Variants in MALT1 observed in about 807,000 individuals in gnomAD.
MALT1 encodes mucosa-associated lymphoid tissue lymphoma translocation protein 1.
MALT1 carries 36 observed loss-of-function variants against 85.5 expected under a neutral mutation model. That is an observed-to-expected ratio of 0.42 (90% CI 0.32 to 0.56). The LOEUF is 0.56. Ranked by LOEUF, MALT1 falls within the 20% of genes least tolerant of loss-of-function variation. The pLI is 0.10. For synonymous variants in MALT1, 359 were observed against 361.3 expected, an observed-to-expected ratio of 0.99 and a Z score of 0.07; for missense variants, 716 against 981.6, an observed-to-expected ratio of 0.73 and a Z score of 3.62.
At chr18:58,699,344 A>G (rs2054638816) in intron 3 of MALT1, among the ~76,000 whole-genome samples, 1 of 152,204 alleles carries the variant, frequency 6.6e-6, no homozygotes, top group Non-Finnish European at 1.5e-5. Flanking sequence ...CACACTTAGG[A>G]CGATATAGTA....
chr18:58,745,910 A>G, intron 16 of MALT1, 119 bp downstream of exon 16: 1 of 898,504 alleles, frequency 1.1e-6, no homozygotes, highest in Non-Finnish European at 1.7e-6. Flanking sequence ...CAGTCTACAG[A>G]AGGTCCTATC....
chr18:58,727,597 C>T (rs905176600), intron 10 of MALT1, among the ~76,000 whole-genome samples: 1 of 140,320 alleles, frequency 7.1e-6, no homozygotes, highest in Admixed American at 6.9e-5. Context: ...CTGCACCCAG[C>T]CTGCCAAAGG....
intron 2 of MALT1, chr18:58,691,194 C>T (rs964206464): frequency 6.7e-6 from 2 of 300,100 alleles, no homozygotes; most frequent in African/African-American, 4.6e-5. Flanking sequence ...TACTGATCTT[C>T]AGGAATGCAA....
intron 7 of MALT1, among the ~76,000 whole-genome samples, chr18:58,712,269 G>T (rs550104739): frequency 2.3e-4 from 35 of 152,188 alleles, no homozygotes; most frequent in African/African-American, 3.6e-4. Flanking sequence ...AATTGCATAT[G>T]AACAGTGTCC....
At chr18:58,673,972 C>G (rs1012460261) in intron 1 of MALT1, 1 of 151,816 alleles carries the variant, frequency 6.6e-6, no homozygotes, top group Non-Finnish European at 1.5e-5. Context: ...TATTGTTATG[C>G]TAGGTACATA....
At position 58,747,732 on chromosome 18, in the gene MALT1, A is replaced by C; in HGVS notation, c.2365A>C (p.Ser789Arg). 1 of 1,614,164 alleles carries C rather than the reference A, an allele frequency of 6.2e-7. No individual in the cohort carries two copies. The highest frequency in any genetic ancestry group is 8.5e-7 in the Non-Finnish European group (1 of 1,180,006). The change falls in exon 17 of 17, where the codon AGT (serine) becomes CGT (arginine). Residue 789 changes from serine to arginine, a missense_variant. Transcript: ENST00000649217. ...CSRTPDAFIS[S>R]FAHHASCHFS... ...CCGGACTCCAGATGCATTTATTTCA[A>C]GTTTCGCTCACCATGCTTCATGTCA...
In MALT1 at chr18:58,710,841, T is replaced by C; in HGVS notation, c.926-80T>C. The stretch of plus-strand genomic sequence containing the variant: ...GTTTGCCAACATTATCTCTATGATA[T>C]TGATCTCTATTTGCTTGACGGCTGC... On this transcript the variant is annotated intron_variant, in intron 6 of 16. Coordinates refer to ENST00000649217, the MANE Select transcript of MALT1 (RefSeq NM_006785.4). 3.5e-6 allele frequency: 3 copies of C among 857,720 alleles called. No homozygotes were observed. The South Asian group carries it at 4.6e-5, about 13-fold the overall frequency. The allele number at this position is 857,720 out of a possible 1,614,324, so 53.1% of individuals were successfully genotyped here.
intron 16 of MALT1, 50 bp from the exon 17 acceptor site, chr18:58,747,355 A>G (rs759073481): frequency 1.7e-6 from 2 of 1,153,308 alleles, no homozygotes; most frequent in Non-Finnish European, 2.5e-6. Context: ...TCAGATTGAT[A>G]TATATTCACT....
chr18:58,714,532 A>G (rs2054874012), intron 8 of MALT1, among the ~76,000 whole-genome samples: 1 of 152,188 alleles, frequency 6.6e-6, no homozygotes, highest in African/African-American at 2.4e-5. Flanking sequence ...GCATATCTGA[A>G]CTAGTTGGGT....
chr18:58,738,215 G>A (rs1338957357), intron 13 of MALT1, among the ~76,000 whole-genome samples: 1 of 152,000 alleles, frequency 6.6e-6, no homozygotes, highest in Non-Finnish European at 1.5e-5. Context: ...GCGTAGTTTT[G>A]TTTTTAACTT....
At chr18:58,724,062 G>A (rs1186877629) in intron 10 of MALT1, among the ~76,000 whole-genome samples, 1 of 152,160 alleles carries the variant, frequency 6.6e-6, no homozygotes. Flanking sequence ...CTGTTGTTAG[G>A]CATGCAATGA....
intron 14 of MALT1, among the ~76,000 whole-genome samples, chr18:58,742,553 A>G (rs1233930634): frequency 6.6e-6 from 1 of 152,284 alleles, no homozygotes; most frequent in Non-Finnish European, 1.5e-5. Context: ...CTAAAAATAC[A>G]AAAAGTTAGC....
Position 58,710,935 on chromosome 18 carries a change from G to T in MALT1, c.940G>T (p.Ala314Ser). 1.9e-6 allele frequency: 3 copies of T among 1,579,970 alleles called. No homozygotes were observed. The highest frequency in any genetic ancestry group is 2.6e-6 in the Non-Finnish European group (3 of 1,166,644). Reference sequence around the variant, plus strand: ...TCTGAAACAAGGAAGAACAGATGAGGCAGTGGAGTGCACTGAAGGTAGTGT... The same window carrying T: ...TCTGAAACAAGGAAGAACAGATGAGTCAGTGGAGTGCACTGAAGGTAGTGT... ...VEIIIGRTDE[A>S]VECTEDELNN... The change falls in exon 7 of 17, where the codon GCA (alanine) becomes TCA (serine). Residue 314 changes from alanine to serine, a missense_variant. This residue lies in a region of MALT1 where 290 missense variants were observed against 380.5 expected (regional missense o/e 0.76). Coordinates refer to ENST00000649217, the MANE Select transcript of MALT1 (RefSeq NM_006785.4).
At position 58,741,913 on chromosome 18, in the gene MALT1, G is replaced by A. The variant is rs1308397244; in HGVS notation, c.1652G>A (p.Arg551Gln). 2.6e-6 allele frequency: 4 copies of A among 1,565,214 alleles called. No homozygotes were observed. The highest frequency in any genetic ancestry group is 1.2e-5 in the South Asian group (1 of 85,448). The change falls in exon 14 of 17, where the codon CGA (arginine) becomes CAA (glutamine). Residue 551 changes from arginine (R) to glutamine (Q), a missense_variant. By Grantham distance (43) the Arg-to-Gln change is conservative. This residue lies in a region of MALT1 where 86 missense variants were observed against 212.3 expected (regional missense o/e 0.41). Transcript: ENST00000649217. ...AAAGGCAAACAGGCTCTAGAGATTCGAAGTAGTTTATCTGAGAAGAGAGCA... is the reference window on the plus strand; with the variant it reads ...AAAGGCAAACAGGCTCTAGAGATTCAAAGTAGTTTATCTGAGAAGAGAGCA... ...LTKGKQALEIRSSLSEKRALT... is the reference protein window; with the variant it reads ...LTKGKQALEIQSSLSEKRALT...
Position 58,730,550 on chromosome 18 carries a change from C to T in MALT1, c.1223-2847C>T, listed in dbSNP as rs549303126. ...TATTTTGTTTATCCATTTATCATCT[C>T]ATGGACATTTTTGGACATGATTAAT... On this transcript the variant is annotated intron_variant, in intron 10 of 16. Coordinates refer to ENST00000649217, the MANE Select transcript of MALT1 (RefSeq NM_006785.4). Among the ~76,000 whole-genome samples the T allele has an allele frequency of 2.0e-5, 3 of 152,252 alleles. No individual in the cohort carries two copies. The South Asian group carries it at 6.2e-4, about 32-fold the overall frequency.
At chr18:58,691,236 T>C (rs969175680) in intron 2 of MALT1, 12 of 351,832 alleles carry the variant, frequency 3.4e-5, no homozygotes, top group Middle Eastern at 6.7e-4. Flanking sequence ...CACAGGATTC[T>C]GGGAGGGCTA....
At chr18:58,701,753 C>T (rs1404140695) in intron 4 of MALT1, among the ~76,000 whole-genome samples, 1 of 152,204 alleles carries the variant, frequency 6.6e-6, no homozygotes, top group Admixed American at 6.5e-5. Flanking sequence ...ACCTCTTTCT[C>T]CCAAAAGTTA....
intron 13 of MALT1, among the ~76,000 whole-genome samples, chr18:58,738,895 A>T: frequency 6.6e-6 from 1 of 152,176 alleles, no homozygotes; most frequent in East Asian, 1.9e-4. Flanking sequence ...TTGAATAGGT[A>T]GTTGTGGGCA....
chr18:58,701,626 G>A (rs186039210), intron 4 of MALT1, among the ~76,000 whole-genome samples: 133 of 152,236 alleles, frequency 8.7e-4, no homozygotes, highest in Non-Finnish European at 1.2e-3. Context: ...CTTGGGCTTC[G>A]ATGTTACAGC....
Sources: allele counts gnomAD v4.1 joint callset (sites outside exome capture counted in the v4.1 genomes callset), GRCh38; gene constraint gnomAD v4.1.1; regional missense constraint gnomAD v4.1.1; transcripts MANE v1.5; gene names NCBI Gene and HGNC (gene_info 2026-07-23, HGNC 2026-07-21).